The following PRKAG2 variants were observed in gnomAD, a reference collection of about 807,000 sequenced individuals.
The protein encoded by PRKAG2 is protein kinase AMP-activated non-catalytic subunit gamma 2.
PRKAG2 carries 26 observed loss-of-function variants against 69.6 expected under a neutral mutation model. The observed-to-expected ratio is 0.37, with a 90% CI of 0.27 to 0.52. The LOEUF (loss-of-function observed/expected upper bound fraction) is 0.52, where lower values mean the gene tolerates loss of function less well. Among genes scored for constraint, PRKAG2 ranks in the 20% least tolerant of loss-of-function variants. PRKAG2 has a pLI of 0.90. For missense variants in PRKAG2, 557 were observed against 740.0 expected (o/e 0.75, Z 2.87); for synonymous variants, 293 against 285.0 (o/e 1.03, Z -0.28).
intron 5 of PRKAG2, among the ~76,000 whole-genome samples, chr7:151,625,251 G>A (rs1297327124): frequency 6.6e-6 from 1 of 152,184 alleles, no homozygotes. Flanking sequence ...AAACGAGCAG[G>A]TGGCCAAAGG....
chr7:151,567,654 C>T lies in PRKAG2; in HGVS notation c.1233+1062G>A, dbSNP rs1354866428. Among the ~76,000 whole-genome samples, 1 of 152,208 alleles carries T rather than the reference C, an allele frequency of 6.6e-6. No homozygotes were observed. The highest frequency in any genetic ancestry group is 1.5e-5 in the Non-Finnish European group (1 of 68,030). Reference sequence around the variant, plus strand: ...CTAGATTATCGCCTTTATTAAACTTCAGACTTGAGTTTTTTTGTAAATTAC... The same window carrying T: ...CTAGATTATCGCCTTTATTAAACTTTAGACTTGAGTTTTTTTGTAAATTAC... On this transcript the variant is annotated intron_variant, in intron 11 of 15. Coordinates refer to ENST00000287878, the MANE Select transcript of PRKAG2 (RefSeq NM_016203.4). The surrounding 1 kb of genome is among the most constrained non-coding windows in gnomAD (Gnocchi z 4.2).
At chr7:151,766,170 G>A (rs936812838) in intron 3 of PRKAG2, among the ~76,000 whole-genome samples, 1 of 152,200 alleles carries the variant, frequency 6.6e-6, no homozygotes. Flanking sequence ...AGGACACAGA[G>A]GTGTCACTGT....
intron 3 of PRKAG2, among the ~76,000 whole-genome samples, chr7:151,769,825 C>T (rs975242266): frequency 1.3e-5 from 2 of 152,164 alleles, no homozygotes; most frequent in Admixed American, 1.3e-4. Flanking sequence ...GAGGGTGCAC[C>T]CCCACCCCAT....
intron 3 of PRKAG2, among the ~76,000 whole-genome samples, chr7:151,768,057 T>C (rs902124196): frequency 2.0e-5 from 3 of 152,126 alleles, no homozygotes; most frequent in African/African-American, 7.2e-5. Context: ...AATAATAACA[T>C]AATAATCAGA....
At chr7:151,706,946 C>G (rs1838734403) in intron 3 of PRKAG2, among the ~76,000 whole-genome samples, 2 of 152,224 alleles carry the variant, frequency 1.3e-5, no homozygotes, top group African/African-American at 4.8e-5. Flanking sequence ...AAGAGGGTGC[C>G]TCTGGCCCAA....
intron 3 of PRKAG2, among the ~76,000 whole-genome samples, chr7:151,734,611 C>T (rs550601664): frequency 2.0e-5 from 3 of 152,142 alleles, no homozygotes; most frequent in African/African-American, 4.8e-5. Context: ...GTGTAGTGGC[C>T]CAATCACAAC....
At chr7:151,791,706 G>A (rs1388794153) in intron 1 of PRKAG2, among the ~76,000 whole-genome samples, 1 of 152,238 alleles carries the variant, frequency 6.6e-6, no homozygotes, top group Admixed American at 6.5e-5. Flanking sequence ...AAATCTGAGA[G>A]AATTCCTGAG....
intron 1 of PRKAG2, among the ~76,000 whole-genome samples, chr7:151,791,931 G>A (rs117685092): frequency 3.1e-3 from 476 of 152,278 alleles, no homozygotes; most frequent in Non-Finnish European, 5.4e-3. Context: ...TATCATCCCC[G>A]ACTATAGATG....
intron 3 of PRKAG2, among the ~76,000 whole-genome samples, chr7:151,733,315 G>T (rs964228148): frequency 6.6e-6 from 1 of 152,228 alleles, no homozygotes; most frequent in Non-Finnish European, 1.5e-5. Flanking sequence ...CCAGAGGAAG[G>T]CTCTGGAGGG....
At chr7:151,623,197 T>A (rs1050317175) in intron 5 of PRKAG2, among the ~76,000 whole-genome samples, 16 of 151,632 alleles carry the variant, frequency 1.1e-4, no homozygotes, top group African/African-American at 3.1e-4. Flanking sequence ...AAACCCCGTC[T>A]CTACAAAAAT....
At position 151,583,970 on chromosome 7, in the gene PRKAG2, C is replaced by T. The variant is rs1452434339; in HGVS notation, c.865-7518G>A. Among the ~76,000 whole-genome samples the T allele has an allele frequency of 6.6e-6, 1 of 152,230 alleles. No individual in the cohort carries two copies. Among genetic ancestry groups the T allele is most frequent in the Non-Finnish European group, 1.5e-5 (1 of 68,034 alleles). ...TCCTCTGATGCCTCACTGCTTTCTA[C>T]ACAGCTTCACTCTGATTTTCAGTAA... On this transcript the variant is annotated intron_variant, in intron 6 of 15. Transcript: ENST00000287878. The surrounding 1 kb of genome is among the most constrained non-coding windows in gnomAD (Gnocchi z 4.1).
chr7:151,612,160 T>G (rs1188041609), intron 5 of PRKAG2, among the ~76,000 whole-genome samples: 3 of 152,130 alleles, frequency 2.0e-5, no homozygotes, highest in East Asian at 3.9e-4. Flanking sequence ...TGGACTTACA[T>G]GCAGAGAGAA....
At position 151,757,000 on chromosome 7, in the gene PRKAG2, C is replaced by T. The variant is rs1289209215; in HGVS notation, c.466+24152G>A. On this transcript the variant is annotated intron_variant, in intron 3 of 15. Coordinates refer to ENST00000287878, the MANE Select transcript of PRKAG2 (RefSeq NM_016203.4). This position sits in a 1 kb window ranked among gnomAD's most constrained non-coding sequence, Gnocchi z 4.9. ...GAGCTTCAGGCCTAAATGCTGGAGT[C>T]CTAAAATTACTCGAGTCTGACCCCC... Among the ~76,000 whole-genome samples, 1 of 152,188 alleles carries T rather than the reference C, an allele frequency of 6.6e-6. No individual in the cohort carries two copies. The highest frequency in any genetic ancestry group is 2.4e-5 in the African/African-American group (1 of 41,530).
chr7:151,572,066 C>G (rs6955903), intron 9 of PRKAG2, among the ~76,000 whole-genome samples: 22,160 of 152,162 alleles, frequency 0.15, 1,733 homozygotes, highest in African/African-American at 0.18. Context: ...ACCTTACAAT[C>G]ATGAAATGCG....
chr7:151,637,248 A>T (rs570327884), intron 4 of PRKAG2, among the ~76,000 whole-genome samples: 1 of 152,344 alleles, frequency 6.6e-6, no homozygotes, highest in African/African-American at 2.4e-5. Flanking sequence ...AAAGTTTTTT[A>T]AAAAAACTTG....
rs1824942847 is a variant in PRKAG2 at position 151,632,593 on chromosome 7, C to T, written c.685-455G>A. ...CACCTTCCCAGCACCGGCGGCCGCGCTCGGCAGGCTCCACCTGCGCAGGTG... is the reference window on the plus strand; with the variant it reads ...CACCTTCCCAGCACCGGCGGCCGCGTTCGGCAGGCTCCACCTGCGCAGGTG... On this transcript the variant is annotated intron_variant, in intron 4 of 15. Coordinates refer to ENST00000287878, the MANE Select transcript of PRKAG2 (RefSeq NM_016203.4). The surrounding 1 kb of genome is among the most constrained non-coding windows in gnomAD (Gnocchi z 4.2). The T allele has an allele frequency of 1.0e-6, 1 of 984,168 alleles. No individual in the cohort carries two copies. The highest frequency in any genetic ancestry group is 1.1e-4 in the East Asian group (1 of 8,746). The allele number at this position is 984,168 out of a possible 1,614,324, so 61.0% of individuals were successfully genotyped here.
intron 2 of PRKAG2, among the ~76,000 whole-genome samples, chr7:151,783,772 G>A (rs2076853165): frequency 6.6e-6 from 1 of 151,774 alleles, no homozygotes; most frequent in Non-Finnish European, 1.5e-5. Flanking sequence ...TTAGCCAGGT[G>A]TGGTGGCCTG....
intron 1 of PRKAG2, among the ~76,000 whole-genome samples, chr7:151,797,436 A>G (rs1347253937): frequency 6.6e-6 from 1 of 151,998 alleles, no homozygotes; most frequent in Non-Finnish European, 1.5e-5. Context: ...GAGAGAGGAC[A>G]CCTCTGAACG....
At chr7:151,854,816 T>A (rs987676245) in intron 1 of PRKAG2, among the ~76,000 whole-genome samples, 1 of 152,016 alleles carries the variant, frequency 6.6e-6, no homozygotes, top group African/African-American at 2.4e-5. Context: ...GAAGGAGGGC[T>A]CAGTCAAAGA....
Sources: allele counts gnomAD v4.1 joint callset (sites outside exome capture counted in the v4.1 genomes callset), GRCh38; gene constraint gnomAD v4.1.1; non-coding constraint Gnocchi (gnomAD v3.1); transcripts MANE v1.5; gene names NCBI Gene and HGNC (gene_info 2026-07-23, HGNC 2026-07-21).